The following TDRP variants were observed in gnomAD, a reference collection of about 807,000 sequenced individuals.
TDRP encodes testis development related protein.
Under a neutral mutation model 10.5 loss-of-function variants are expected in TDRP, and 12 were observed. The observed-to-expected ratio is 1.15, with a 90% confidence interval of 0.73 to 1.86. The LOEUF (loss-of-function observed/expected upper bound fraction) is 1.86. TDRP is among the 40% of genes most tolerant of loss of function. The probability of loss-of-function intolerance (pLI) is 0.00; values close to 1 mark genes in which losing one functional copy is unlikely to be tolerated. For missense variants in TDRP, 353 were observed against 229.2 expected (o/e 1.54, Z -3.49); for synonymous variants, 139 against 95.4 (o/e 1.46, Z -2.67).
chr8:522,380 G>A (rs1204887260), intron 1 of TDRP, among the ~76,000 whole-genome samples: 2 of 152,192 alleles, frequency 1.3e-5, no homozygotes, highest in African/African-American at 4.8e-5. Context: ...AAGGGCTGGA[G>A]TCCTTTAAAA....
At chr8:538,998 G>C (rs559132941) in intron 1 of TDRP, among the ~76,000 whole-genome samples, 66 of 152,324 alleles carry the variant, frequency 4.3e-4, no homozygotes, top group Admixed American at 1.4e-3. Context: ...TTCTAGACTT[G>C]TGAAATAACT....
rs920664520 is a variant in TDRP at position 540,108 on chromosome 8, T to C, written c.108+4542A>G. On this transcript the variant is annotated intron_variant, in intron 1 of 2. Transcript: ENST00000324079. ...ATGTCAGACCCATCTAAACCATCCA[T>C]GTTGAACAGATCTCTGCACTTCTTT... Among the ~76,000 whole-genome samples the C allele has an allele frequency of 3.3e-5, 5 of 152,348 alleles. No homozygotes were observed. In the East Asian group the frequency reaches 7.7e-4, roughly 24 times the overall value.
chr8:507,186 G>A (rs780239973), intron 1 of TDRP, among the ~76,000 whole-genome samples: 6 of 152,246 alleles, frequency 3.9e-5, no homozygotes, highest in South Asian at 2.1e-4. Context: ...TGAGAACAGT[G>A]TAGGGGAGAC....
intron 1 of TDRP, among the ~76,000 whole-genome samples, chr8:543,776 G>A (rs1332935962): frequency 6.6e-6 from 1 of 152,170 alleles, no homozygotes. Context: ...TCGGAAGACA[G>A]GTACAAATCC....
At position 517,855 on chromosome 8, in the gene TDRP, C is replaced by G. The variant is rs537592324; in HGVS notation, c.109-23258G>C. Among the ~76,000 whole-genome samples, 39 of 152,308 alleles carry G rather than the reference C, an allele frequency of 2.6e-4. 1 individual carries two copies. The South Asian group carries it at 7.7e-3, about 30-fold the overall frequency. On this transcript the variant is annotated intron_variant, in intron 1 of 2. Transcript: ENST00000324079. ...ATCTTACTAAGTGAAAGAAGCCAAT[C>G]TGAAAAGGCTACACACTGTGTAATT...
At chr8:503,754 C>T (rs574361116) in intron 1 of TDRP, among the ~76,000 whole-genome samples, 108 of 150,486 alleles carry the variant, frequency 7.2e-4, no homozygotes, top group African/African-American at 2.2e-3. Flanking sequence ...CACCTCAGCA[C>T]GCATCAACAC....
chr8:537,834 T>C (rs1419735109), intron 1 of TDRP, among the ~76,000 whole-genome samples: 1 of 152,194 alleles, frequency 6.6e-6, no homozygotes, highest in Non-Finnish European at 1.5e-5. Flanking sequence ...AGCAATTTTA[T>C]CTTGAAAACA....
chr8:510,720 T>C (rs890050037), intron 1 of TDRP, among the ~76,000 whole-genome samples: 2 of 152,232 alleles, frequency 1.3e-5, no homozygotes, highest in East Asian at 1.9e-4. Context: ...ACCCACCTTA[T>C]GAGAAACACT....
chr8:530,549 C>T, intron 1 of TDRP, among the ~76,000 whole-genome samples: 1 of 152,116 alleles, frequency 6.6e-6, no homozygotes, highest in Non-Finnish European at 1.5e-5. Context: ...GCCTCTCAAA[C>T]CTTTTCTGGG....
intron 1 of TDRP, among the ~76,000 whole-genome samples, chr8:542,994 C>A (rs1177691703): frequency 2.0e-5 from 3 of 151,266 alleles, no homozygotes; most frequent in East Asian, 3.9e-4. Context: ...TACTTTTCCG[C>A]ATGTTAGAAA....
chr8:527,740 T>TAC (rs1421527939), intron 1 of TDRP, among the ~76,000 whole-genome samples: 7 of 152,112 alleles, frequency 4.6e-5, no homozygotes, highest in African/African-American at 2.4e-5. Flanking sequence ...TTTCTCACCA[T>TAC]ACACACACAC....
intron 1 of TDRP, among the ~76,000 whole-genome samples, chr8:537,160 C>T (rs1802367689): frequency 6.6e-6 from 1 of 152,248 alleles, no homozygotes; most frequent in Non-Finnish European, 1.5e-5. Context: ...AGGGGCACTG[C>T]TGAGCCCCAC....
At chr8:522,137 T>C (rs1801920758) in intron 1 of TDRP, among the ~76,000 whole-genome samples, 1 of 152,216 alleles carries the variant, frequency 6.6e-6, no homozygotes, top group Non-Finnish European at 1.5e-5. Context: ...GTTCTCTACA[T>C]ACAAGGTCAG....
intron 1 of TDRP, among the ~76,000 whole-genome samples, chr8:531,185 C>T (rs1442994070): frequency 6.6e-6 from 1 of 151,870 alleles, no homozygotes; most frequent in Non-Finnish European, 1.5e-5. Context: ...TTTTTTTTCT[C>T]CTACTTCAAT....
chr8:515,714 C>T lies in TDRP; in HGVS notation c.109-21117G>A, dbSNP rs149185495. Among the ~76,000 whole-genome samples, 438 of 152,022 alleles carry T rather than the reference C, an allele frequency of 2.9e-3. 1 individual carries two copies. The highest frequency in any genetic ancestry group is 0.01 in the African/African-American group (423 of 41,470). On this transcript the variant is annotated intron_variant, in intron 1 of 2. Coordinates refer to ENST00000324079, the MANE Select transcript of TDRP (RefSeq NM_001384899.1). ...ATTAATTGTTAAGTTATAATCAAGA[C>T]AATGCATAAGAGAGAAATAAAAGTT...
intron 1 of TDRP, among the ~76,000 whole-genome samples, chr8:527,474 G>A (rs916714786): frequency 6.6e-6 from 1 of 151,652 alleles, no homozygotes; most frequent in Non-Finnish European, 1.5e-5. Flanking sequence ...TGAGCAAAAA[G>A]AACAAAACTG....
At chr8:497,785 C>A (rs1316549763) in intron 1 of TDRP, among the ~76,000 whole-genome samples, 2 of 152,148 alleles carry the variant, frequency 1.3e-5, no homozygotes, top group East Asian at 3.9e-4. Context: ...GTTTTCTGGG[C>A]CAGGCCCAGG....
intron 1 of TDRP, among the ~76,000 whole-genome samples, chr8:497,824 T>G (rs1465433807): frequency 1.3e-5 from 2 of 152,118 alleles, no homozygotes; most frequent in Non-Finnish European, 2.9e-5. Context: ...CCTCTGGACA[T>G]GGTGTCCTGT....
intron 1 of TDRP, among the ~76,000 whole-genome samples, chr8:528,933 A>T (rs1227873690): frequency 6.6e-6 from 1 of 152,194 alleles, no homozygotes; most frequent in Non-Finnish European, 1.5e-5. Context: ...CTGCAAGCTG[A>T]GGAGCAAGGA....
Sources: allele counts gnomAD v4.1 joint callset (sites outside exome capture counted in the v4.1 genomes callset), GRCh38; gene constraint gnomAD v4.1.1; transcripts MANE v1.5; gene names NCBI Gene and HGNC (gene_info 2026-07-23, HGNC 2026-07-21).